Variants in ARHGAP10 observed in about 807,000 individuals in gnomAD.
ARHGAP10 encodes Rho GTPase activating protein 10, also known as rho GTPase-activating protein 10.
A neutral mutation model predicts 108.6 loss-of-function variants in ARHGAP10; 87 were observed. The ratio of observed to expected loss-of-function variants is 0.80; its 90% CI spans 0.67 to 0.96. The LOEUF (loss-of-function observed/expected upper bound fraction) is 0.96. ARHGAP10 is among the 40% of genes least tolerant of loss of function. ARHGAP10 has a pLI of 0.00. For missense variants in ARHGAP10, 939 were observed against 954.5 expected (o/e 0.98, Z 0.21); for synonymous variants, 347 against 341.1 (o/e 1.02, Z -0.19).
intron 18 of ARHGAP10, among the ~76,000 whole-genome samples, chr4:148,016,337 T>A (rs1741345766): frequency 6.6e-6 from 1 of 152,050 alleles, no homozygotes; most frequent in African/African-American, 2.4e-5. Context: ...ACCCTGTCTC[T>A]ACAAAAACGT....
chr4:147,966,641 C>T (rs1370913425), intron 17 of ARHGAP10, 39 bp from the exon 18 acceptor site: 10 of 1,501,984 alleles, frequency 6.7e-6, no homozygotes, highest in African/African-American at 2.8e-5. Flanking sequence ...ATTTTTGCTC[C>T]TTTGGTTAAA....
intron 13 of ARHGAP10, among the ~76,000 whole-genome samples, chr4:147,935,575 A>G (rs972766718): frequency 2.6e-5 from 4 of 152,224 alleles, no homozygotes. Context: ...TTTGGTTGAC[A>G]GGGAAATTTG....
At position 147,900,834 on chromosome 4, in the gene ARHGAP10, A is replaced by ACAG. The variant is rs1480389193; in HGVS notation, c.1035-5802_1035-5801insGCA. ...ATAAATAAATTCAACAACAACAACAACAACAACAACACGCCTTGAGACAGG... is the reference window on the plus strand; with the variant it reads ...ATAAATAAATTCAACAACAACAACAACAGCAACAACAACACGCCTTGAGACAGG... On this transcript the variant is annotated intron_variant, in intron 10 of 22. Coordinates refer to ENST00000336498, the MANE Select transcript of ARHGAP10 (RefSeq NM_024605.4). Among the ~76,000 whole-genome samples, 55 of 151,498 alleles carry ACAG rather than the reference A, an allele frequency of 3.6e-4. No homozygotes were observed. The South Asian group carries it at 9.7e-3, about 27-fold the overall frequency.
chr4:148,042,180 T>C (rs1728661790), intron 19 of ARHGAP10, among the ~76,000 whole-genome samples: 1 of 152,208 alleles, frequency 6.6e-6, no homozygotes, highest in East Asian at 1.9e-4. Context: ...GATTCTACCA[T>C]ACACCCAGTT....
intron 1 of ARHGAP10, among the ~76,000 whole-genome samples, chr4:147,755,254 T>G (rs1729320138): frequency 6.6e-6 from 1 of 152,212 alleles, no homozygotes; most frequent in Non-Finnish European, 1.5e-5. Flanking sequence ...TTTACTTATT[T>G]TTACTTGTTA....
At position 147,859,273 on chromosome 4, in the gene ARHGAP10, C is replaced by CT. The variant is rs34375248; in HGVS notation, c.486+1635dup. ...TCTGCTTTATATTTTTTTCATATTC[C>CT]TTTTTTTTTTTTTTTTGAGATGGAG... On this transcript the variant is annotated intron_variant, in intron 5 of 22. Transcript: ENST00000336498. Among the ~76,000 whole-genome samples the CT allele has an allele frequency of 7.0e-3, 953 of 135,268 alleles. 7 individuals are homozygous for CT. The highest frequency in any genetic ancestry group is 0.012 in the Admixed American group (167 of 13,442). The allele number at this position is 135,268 out of a possible 152,430, so 88.7% of individuals were successfully genotyped here.
At chr4:147,891,545 A>G (rs746667490) in intron 10 of ARHGAP10, among the ~76,000 whole-genome samples, 1 of 152,166 alleles carries the variant, frequency 6.6e-6, no homozygotes, top group Admixed American at 6.6e-5. Context: ...GGTGATGGTT[A>G]TGCAATTCTG....
At chr4:147,999,647 G>A (rs981385090) in intron 18 of ARHGAP10, among the ~76,000 whole-genome samples, 7 of 152,214 alleles carry the variant, frequency 4.6e-5, no homozygotes, top group African/African-American at 1.7e-4. Context: ...GTTCTCTTCA[G>A]TGACCCACAG....
chr4:147,985,861 G>A (rs961242733), intron 18 of ARHGAP10, among the ~76,000 whole-genome samples: 11 of 152,180 alleles, frequency 7.2e-5, no homozygotes, highest in Non-Finnish European at 1.6e-4. Context: ...CGGATCCCTA[G>A]CAGTAAGGGA....
chr4:147,831,186 G>T, intron 3 of ARHGAP10, among the ~76,000 whole-genome samples: 1 of 152,224 alleles, frequency 6.6e-6, no homozygotes, highest in East Asian at 1.9e-4. Context: ...CTTAGGGTTA[G>T]ATCTGTCTGG....
chr4:147,839,628 A>G (rs1265783302), intron 3 of ARHGAP10, among the ~76,000 whole-genome samples: 1 of 152,166 alleles, frequency 6.6e-6, no homozygotes, highest in Non-Finnish European at 1.5e-5. Flanking sequence ...CCTAAGTCCT[A>G]TTGTCTTTAG....
At chr4:147,773,542 A>T (rs974505412) in intron 1 of ARHGAP10, among the ~76,000 whole-genome samples, 5 of 152,196 alleles carry the variant, frequency 3.3e-5, no homozygotes, top group Admixed American at 3.3e-4. Flanking sequence ...ACACTTAAAT[A>T]TTGTATTCTG....
intron 10 of ARHGAP10, among the ~76,000 whole-genome samples, chr4:147,890,154 C>T (rs75984929): frequency 0.016 from 2,389 of 152,314 alleles, 58 homozygotes; most frequent in African/African-American, 0.052. Flanking sequence ...GCAAGGGAGG[C>T]TTCTAAATCC....
intron 10 of ARHGAP10, among the ~76,000 whole-genome samples, chr4:147,889,304 C>T (rs1041986617): frequency 6.6e-6 from 1 of 151,608 alleles, no homozygotes; most frequent in Non-Finnish European, 1.5e-5. Context: ...TATTGGGTAC[C>T]TTCTTTTTTT....
intron 12 of ARHGAP10, among the ~76,000 whole-genome samples, chr4:147,910,634 G>C (rs1415472283): frequency 6.6e-6 from 1 of 151,786 alleles, no homozygotes; most frequent in Admixed American, 6.6e-5. Flanking sequence ...TGCCACTGCT[G>C]TACTTGAAGA....
At chr4:147,745,007 A>G (rs1728849174) in intron 1 of ARHGAP10, among the ~76,000 whole-genome samples, 1 of 152,074 alleles carries the variant, frequency 6.6e-6, no homozygotes, top group South Asian at 2.1e-4. Context: ...TGAAAGAAGA[A>G]CTTGAAATCT....
chr4:148,064,321 C>A, intron 21 of ARHGAP10, 95 bp from the exon 22 acceptor site: 1 of 970,862 alleles, frequency 1.0e-6, no homozygotes, highest in South Asian at 1.6e-5. Context: ...CTACTGGTGA[C>A]ATCAGTGAGA....
chr4:148,043,091 G>C (rs1477153437), intron 19 of ARHGAP10, among the ~76,000 whole-genome samples: 1 of 152,126 alleles, frequency 6.6e-6, no homozygotes. Flanking sequence ...CTAAAACCAG[G>C]TTATAAAACC....
intron 1 of ARHGAP10, among the ~76,000 whole-genome samples, chr4:147,774,478 A>C (rs1478935841): frequency 3.3e-5 from 5 of 152,212 alleles, no homozygotes; most frequent in African/African-American, 1.2e-4. Flanking sequence ...GTTTAGGACA[A>C]GGGTTATATA....
Sources: gnomAD v4.1 joint callset for allele counts (sites outside exome capture counted in the v4.1 genomes callset) on GRCh38, gnomAD v4.1.1 for gene constraint, MANE v1.5 for transcripts, NCBI Gene and HGNC (gene_info 2026-07-23, HGNC 2026-07-21) for gene names.